ARHGAP25: variants seen among roughly 807,000 people sequenced by gnomAD.
The protein encoded by ARHGAP25 is Rho GTPase activating protein 25, also known as rho GTPase-activating protein 25.
A neutral mutation model predicts 71.0 loss-of-function variants in ARHGAP25; 34 were observed. The ratio of observed to expected loss-of-function variants is 0.48; its 90% CI spans 0.36 to 0.64. The LOEUF is 0.64. ARHGAP25 is among the 30% of genes least tolerant of loss of function. The pLI is 0.00. For synonymous variants in ARHGAP25, 282 were observed against 296.5 expected, an observed-to-expected ratio of 0.95 and a Z score of 0.50; for missense variants, 706 against 805.1, an observed-to-expected ratio of 0.88 and a Z score of 1.49.
chr2:68,736,944 T>C (rs147033772), intron 1 of ARHGAP25, among the ~76,000 whole-genome samples: 2 of 152,204 alleles, frequency 1.3e-5, no homozygotes, highest in Non-Finnish European at 2.9e-5. Context: ...CCATTTAGTA[T>C]AGGGCACAGT....
chr2:68,736,815 A>C (rs1476630679), intron 1 of ARHGAP25, among the ~76,000 whole-genome samples: 6 of 152,144 alleles, frequency 3.9e-5, no homozygotes, highest in African/African-American at 9.7e-5. Flanking sequence ...GAATCTCTGG[A>C]GGAAGGCCCA....
intron 1 of ARHGAP25, among the ~76,000 whole-genome samples, chr2:68,742,073 GTGAC>G (rs1176765138): frequency 6.6e-6 from 1 of 152,144 alleles, no homozygotes; most frequent in East Asian, 1.9e-4. Flanking sequence ...TCCTTAAGCT[GTGAC>G]TGACTAAGGT....
chr2:68,719,437 A>T (rs577206024), intron 2 of ARHGAP25, among the ~76,000 whole-genome samples: 7 of 151,960 alleles, frequency 4.6e-5, no homozygotes, highest in African/African-American at 1.7e-4. Flanking sequence ...GCAAAAAAAA[A>T]AAAAAAGAAA....
At chr2:68,809,086 A>G (rs1680587896) in intron 5 of ARHGAP25, among the ~76,000 whole-genome samples, 1 of 152,156 alleles carries the variant, frequency 6.6e-6, no homozygotes, top group Non-Finnish European at 1.5e-5. Flanking sequence ...TTTGGGAGGT[A>G]TGACTGACTC....
intron 4 of ARHGAP25, among the ~76,000 whole-genome samples, chr2:68,801,453 A>G (rs7585846): frequency 0.31 from 46,801 of 151,806 alleles, 8,276 homozygotes; most frequent in East Asian, 0.51. Context: ...TCCCAAGAAG[A>G]AGGAGGTGGC....
chr2:68,764,473 C>T (rs1677009586), intron 1 of ARHGAP25, among the ~76,000 whole-genome samples: 2 of 152,142 alleles, frequency 1.3e-5, no homozygotes, highest in Admixed American at 6.5e-5. Flanking sequence ...GCTACCCTCT[C>T]TGTTGAAGGA....
intron 4 of ARHGAP25, among the ~76,000 whole-genome samples, chr2:68,796,880 A>AT (rs1390733066): frequency 2.0e-5 from 3 of 152,252 alleles, no homozygotes; most frequent in African/African-American, 7.2e-5. Context: ...GGCAGTGGGT[A>AT]TAAAGGTGGT....
intron 4 of ARHGAP25, among the ~76,000 whole-genome samples, chr2:68,792,107 C>T (rs1048175179): frequency 6.6e-6 from 1 of 151,576 alleles, no homozygotes; most frequent in African/African-American, 2.4e-5. Flanking sequence ...AATCATCACA[C>T]TCTGTCCAGA....
intron 2 of ARHGAP25, among the ~76,000 whole-genome samples, chr2:68,779,057 G>T (rs892118518): frequency 1.3e-5 from 2 of 152,184 alleles, no homozygotes; most frequent in Non-Finnish European, 2.9e-5. Context: ...TACAATGATG[G>T]TCTCAGACAA....
chr2:68,741,353 CTT>C (rs1447604929), intron 1 of ARHGAP25, among the ~76,000 whole-genome samples: 2 of 152,154 alleles, frequency 1.3e-5, no homozygotes, highest in Non-Finnish European at 2.9e-5. Flanking sequence ...CAGAAAATAA[CTT>C]TGTCTTCTTT....
intron 4 of ARHGAP25, among the ~76,000 whole-genome samples, chr2:68,789,232 G>A (rs1416247105): frequency 6.6e-6 from 1 of 152,012 alleles, no homozygotes; most frequent in African/African-American, 2.4e-5. Context: ...TAGAGACGGG[G>A]TTTCACCATG....
intron 1 of ARHGAP25, among the ~76,000 whole-genome samples, chr2:68,762,556 T>G (rs188004884): frequency 0.011 from 1,640 of 152,164 alleles, 18 homozygotes; most frequent in Middle Eastern, 0.02. Context: ...CATCCTGGGG[T>G]CCCGGTGTTA....
chr2:68,758,252 T>A (rs535512220), intron 1 of ARHGAP25, among the ~76,000 whole-genome samples: 1 of 152,112 alleles, frequency 6.6e-6, no homozygotes, highest in South Asian at 2.1e-4. Context: ...CAGAAGTAAG[T>A]TGCTGCTTGC....
intron 2 of ARHGAP25, among the ~76,000 whole-genome samples, chr2:68,718,619 A>C (rs1490128013): frequency 6.6e-6 from 1 of 152,216 alleles, no homozygotes; most frequent in Non-Finnish European, 1.5e-5. Context: ...AGATAGATAC[A>C]TAGATAGAGA....
At chr2:68,724,944 G>T (rs1004605746) in intron 2 of ARHGAP25, among the ~76,000 whole-genome samples, 3 of 152,234 alleles carry the variant, frequency 2.0e-5, no homozygotes, top group Admixed American at 1.3e-4. Context: ...TACCAGCAGA[G>T]CCTTTGCTGG....
intron 9 of ARHGAP25, among the ~76,000 whole-genome samples, chr2:68,820,572 C>G (rs1681571414): frequency 6.6e-6 from 1 of 152,138 alleles, no homozygotes; most frequent in Non-Finnish European, 1.5e-5. Flanking sequence ...TTGATCTTAG[C>G]CAAAAGGCCG....
chr2:68,797,413 T>G (rs2104421519), intron 4 of ARHGAP25, among the ~76,000 whole-genome samples: 1 of 152,274 alleles, frequency 6.6e-6, no homozygotes, highest in South Asian at 2.1e-4. Context: ...GGCAGCCAAC[T>G]TGGCCACCCA....
chr2:68,790,534 T>C (rs1278579250), intron 4 of ARHGAP25, among the ~76,000 whole-genome samples: 1 of 152,188 alleles, frequency 6.6e-6, no homozygotes, highest in Non-Finnish European at 1.5e-5. Flanking sequence ...GTGGGTTGAC[T>C]AGATGGGAAA....
At chr2:68,811,066 T>C (rs1318250346) in intron 5 of ARHGAP25, among the ~76,000 whole-genome samples, 1 of 152,200 alleles carries the variant, frequency 6.6e-6, no homozygotes, top group Non-Finnish European at 1.5e-5. Flanking sequence ...TGAATTATCC[T>C]TTACACTGTT....
Sources: allele counts gnomAD v4.1 joint callset (sites outside exome capture counted in the v4.1 genomes callset), GRCh38; gene constraint gnomAD v4.1.1; transcripts MANE v1.5; gene names NCBI Gene and HGNC (gene_info 2026-07-23, HGNC 2026-07-21).